HHAT: variants seen among roughly 807,000 people sequenced by gnomAD.
The protein encoded by HHAT is protein-cysteine N-palmitoyltransferase HHAT.
A neutral mutation model predicts 70.8 loss-of-function variants in HHAT; 47 were observed. The observed-to-expected ratio is 0.66, with a 90% confidence interval of 0.53 to 0.85. The LOEUF (loss-of-function observed/expected upper bound fraction) is 0.85. Among genes scored for constraint, HHAT ranks in the 40% least tolerant of loss-of-function variants. The probability of loss-of-function intolerance (pLI) is 0.00; values close to 1 mark genes in which losing one functional copy is unlikely to be tolerated. For missense variants in HHAT, 609 were observed against 604.8 expected (o/e 1.01, Z -0.07); for synonymous variants, 228 against 247.6 (o/e 0.92, Z 0.74).
intron 11 of HHAT, among the ~76,000 whole-genome samples, chr1:210,656,233 C>G (rs532739718): frequency 6.6e-6 from 1 of 152,276 alleles, no homozygotes; most frequent in South Asian, 2.1e-4. Flanking sequence ...CTTCATGTCC[C>G]CATGTGGAGC....
intron 6 of HHAT, among the ~76,000 whole-genome samples, chr1:210,406,226 G>C (rs1285703315): frequency 6.6e-6 from 1 of 152,142 alleles, no homozygotes; most frequent in African/African-American, 2.4e-5. Context: ...TCCACACACA[G>C]ACACCCCTCT....
At chr1:210,545,967 G>T (rs927619363) in intron 9 of HHAT, among the ~76,000 whole-genome samples, 9 of 152,162 alleles carry the variant, frequency 5.9e-5, no homozygotes, top group African/African-American at 2.2e-4. Context: ...CACTTAATAG[G>T]TTCCTTTAAC....
intron 8 of HHAT, among the ~76,000 whole-genome samples, chr1:210,500,902 C>G (rs148009195): frequency 4.6e-5 from 7 of 152,320 alleles, no homozygotes; most frequent in African/African-American, 1.7e-4. Context: ...TGACATATTA[C>G]CTGGGAAGTA....
chr1:210,629,197 C>T (rs1402429953), intron 11 of HHAT, among the ~76,000 whole-genome samples: 1 of 152,242 alleles, frequency 6.6e-6, no homozygotes, highest in African/African-American at 2.4e-5. Context: ...CTTGCAGAAG[C>T]CTTGGTTTCT....
chr1:210,596,472 T>C (rs1663035796), intron 10 of HHAT, among the ~76,000 whole-genome samples: 1 of 152,166 alleles, frequency 6.6e-6, no homozygotes. Flanking sequence ...ATTTGCCTTT[T>C]CGAGGCTGTT....
chr1:210,463,436 A>T (rs1456818820), intron 7 of HHAT, among the ~76,000 whole-genome samples: 1 of 152,046 alleles, frequency 6.6e-6, no homozygotes, highest in Non-Finnish European at 1.5e-5. Context: ...GGCTTGTTTC[A>T]CTTAGCTTCA....
At chr1:210,504,929 G>A (rs921129754) in intron 8 of HHAT, among the ~76,000 whole-genome samples, 4 of 137,480 alleles carry the variant, frequency 2.9e-5, no homozygotes, top group African/African-American at 1.1e-4. Context: ...TTGAGACGGA[G>A]TCTCGCTCTG....
At chr1:210,420,012 CTGA>C (rs752339729) in intron 7 of HHAT, among the ~76,000 whole-genome samples, 2 of 152,078 alleles carry the variant, frequency 1.3e-5, no homozygotes, top group Non-Finnish European at 2.9e-5. Flanking sequence ...TTATGTGACT[CTGA>C]TGTCACCAAC....
intron 9 of HHAT, among the ~76,000 whole-genome samples, chr1:210,584,181 A>AC (rs1003166962): frequency 1.1e-4 from 17 of 150,432 alleles, no homozygotes; most frequent in Admixed American, 2.0e-4. Context: ...ACCTCAAGTG[A>AC]CCCCCCAGCC....
intron 9 of HHAT, among the ~76,000 whole-genome samples, chr1:210,527,612 G>A (rs1350150286): frequency 6.6e-6 from 1 of 152,052 alleles, no homozygotes; most frequent in Non-Finnish European, 1.5e-5. Flanking sequence ...ATAAATAAGG[G>A]AAATGAGTGA....
intron 1 of HHAT, among the ~76,000 whole-genome samples, chr1:210,331,739 C>T (rs191956773): frequency 2.6e-4 from 40 of 152,144 alleles, no homozygotes; most frequent in African/African-American, 8.4e-4. Flanking sequence ...CACTTGTCGC[C>T]GCAATAATTC....
At chr1:210,607,311 G>A (rs1354257604) in intron 10 of HHAT, among the ~76,000 whole-genome samples, 2 of 152,084 alleles carry the variant, frequency 1.3e-5, no homozygotes, top group Non-Finnish European at 2.9e-5. Context: ...ATCTGTGAAT[G>A]TGTATCCTTT....
chr1:210,383,668 A>G (rs935612351), intron 3 of HHAT, among the ~76,000 whole-genome samples: 5 of 152,210 alleles, frequency 3.3e-5, no homozygotes, highest in African/African-American at 1.2e-4. Context: ...ACCAGTTGGA[A>G]CAAATATATT....
At chr1:210,394,128 C>T (rs1001191452) in intron 4 of HHAT, among the ~76,000 whole-genome samples, 7 of 151,952 alleles carry the variant, frequency 4.6e-5, no homozygotes, top group Non-Finnish European at 8.8e-5. Flanking sequence ...ATTCTAGCCT[C>T]CTCCTTTATC....
chr1:210,420,470 G>A (rs1023597257), intron 7 of HHAT, among the ~76,000 whole-genome samples: 1 of 152,130 alleles, frequency 6.6e-6, no homozygotes, highest in African/African-American at 2.4e-5. Flanking sequence ...TGGAGCTCAT[G>A]TGTAAGGGTT....
rs112327429 is a variant in HHAT at position 210,648,184 on chromosome 1, G to A, written c.1390+24514G>A. Among the ~76,000 whole-genome samples the A allele has an allele frequency of 1.0e-2, 1,511 of 151,696 alleles. 17 individuals are homozygous for A. The highest frequency in any genetic ancestry group is 0.031 in the Middle Eastern group (9 of 286). ...TGTTTAAGCTGGTTTGGAATGGCTT[G>A]GATCTCTGCTATCTCCAGAAAGCCA... On this transcript the variant is annotated intron_variant, in intron 11 of 11. Transcript: ENST00000261458.
chr1:210,556,517 C>A (rs2095574107), intron 9 of HHAT, among the ~76,000 whole-genome samples: 1 of 152,218 alleles, frequency 6.6e-6, no homozygotes, highest in Admixed American at 6.5e-5. Flanking sequence ...GATCTGCCAA[C>A]CTGTACTGCC....
At chr1:210,643,297 A>C (rs1403621704) in intron 11 of HHAT, among the ~76,000 whole-genome samples, 3 of 152,200 alleles carry the variant, frequency 2.0e-5, no homozygotes, top group Admixed American at 6.5e-5. Flanking sequence ...CAGTTTCTAC[A>C]AAAAAATTTA....
intron 9 of HHAT, among the ~76,000 whole-genome samples, chr1:210,514,529 C>T (rs1433563402): frequency 6.6e-6 from 1 of 152,092 alleles, no homozygotes; most frequent in Non-Finnish European, 1.5e-5. Flanking sequence ...TTGTACTGTT[C>T]CCTTAATGCC....
Sources: allele counts gnomAD v4.1 joint callset (sites outside exome capture counted in the v4.1 genomes callset), GRCh38; gene constraint gnomAD v4.1.1; transcripts MANE v1.5; gene names NCBI Gene and HGNC (gene_info 2026-07-23, HGNC 2026-07-21).